Variants in RIPOR2 observed in about 807,000 individuals in gnomAD.
The protein encoded by RIPOR2 is RHO family interacting cell polarization regulator 2.
In RIPOR2, 39 loss-of-function variants were observed where a neutral mutation model predicts 114.5. The ratio of observed to expected loss-of-function variants is 0.34; its 90% CI spans 0.26 to 0.44. RIPOR2 has a LOEUF of 0.44. Among genes scored for constraint, RIPOR2 ranks in the 20% least tolerant of loss-of-function variants. The pLI, the probability that RIPOR2 is intolerant of heterozygous loss-of-function variation, is 1.00. For synonymous variants in RIPOR2, 445 were observed against 484.4 expected (o/e 0.92, Z 1.07); for missense variants, 1,007 against 1,255.1 (o/e 0.80, Z 2.99).
intron 1 of RIPOR2, among the ~76,000 whole-genome samples, chr6:24,889,541 G>A (rs2113962717): frequency 6.6e-6 from 1 of 152,270 alleles, no homozygotes; most frequent in African/African-American, 2.4e-5. Flanking sequence ...TTGATAAAGA[G>A]ATAATGTGTT....
Position 24,883,833 on chromosome 6 carries a change from G to A in RIPOR2, c.62-8016C>T, listed in dbSNP as rs1351989387. 1.3e-5 allele frequency among the ~76,000 whole-genome samples: 2 copies of A among 152,132 alleles called. No individual in the cohort carries two copies. Among genetic ancestry groups the A allele is most frequent in the East Asian group, 1.9e-4 (1 of 5,200 alleles). ...CTTTCTGAGTCATTTCTTCATGCCCGATTTGGGTTCTTCCTTTCTTTTTCC... is the reference window on the plus strand; with the variant it reads ...CTTTCTGAGTCATTTCTTCATGCCCAATTTGGGTTCTTCCTTTCTTTTTCC... On this transcript the variant is annotated intron_variant, in intron 1 of 21. Coordinates refer to ENST00000643898, the MANE Select transcript of RIPOR2 (RefSeq NM_001286445.3). The surrounding 1 kb of genome is among the most constrained non-coding windows in gnomAD (Gnocchi z 4.1).
At chr6:24,981,578 G>A (rs902923623) in intron 1 of RIPOR2, among the ~76,000 whole-genome samples, 3 of 152,152 alleles carry the variant, frequency 2.0e-5, no homozygotes, top group Non-Finnish European at 2.9e-5. Context: ...TGTACTCAGT[G>A]GGCCCAGGGT....
chr6:25,006,156 G>A (rs140323412), intron 1 of RIPOR2, among the ~76,000 whole-genome samples: 2 of 152,084 alleles, frequency 1.3e-5, no homozygotes, highest in Non-Finnish European at 2.9e-5. Flanking sequence ...CTGTTAACAT[G>A]TATACAGTTT....
chr6:24,864,998 A>C (rs988300903), intron 7 of RIPOR2, among the ~76,000 whole-genome samples: 1 of 152,130 alleles, frequency 6.6e-6, no homozygotes, highest in African/African-American at 2.4e-5. Flanking sequence ...CCCAGGCTGG[A>C]GTGCAGTGGC....
intron 1 of RIPOR2, chr6:24,910,865 C>G (rs773811279): frequency 1.1e-4 from 104 of 985,332 alleles, no homozygotes; most frequent in Non-Finnish European, 1.2e-4. Context: ...TCAGGGTTCT[C>G]TGGCATATAA....
intron 1 of RIPOR2, among the ~76,000 whole-genome samples, chr6:24,930,514 G>A (rs1771304427): frequency 6.6e-6 from 1 of 152,208 alleles, no homozygotes; most frequent in Non-Finnish European, 1.5e-5. Context: ...AGCCTGCATA[G>A]CTTTAGTGCA....
chr6:24,911,076 G>T, intron 1 of RIPOR2: 2 of 707,880 alleles, frequency 2.8e-6, no homozygotes, highest in Non-Finnish European at 3.5e-6. Flanking sequence ...GGGCGCGAGG[G>T]TGGCGGAGCG....
chr6:24,919,804 C>T (rs1770341682), intron 1 of RIPOR2, among the ~76,000 whole-genome samples: 1 of 152,158 alleles, frequency 6.6e-6, no homozygotes, highest in Non-Finnish European at 1.5e-5. Context: ...AGGCCGTGTG[C>T]CCCTGCATTT....
chr6:24,850,218 T>C (rs774296384), intron 10 of RIPOR2, among the ~76,000 whole-genome samples: 4 of 150,650 alleles, frequency 2.7e-5, no homozygotes, highest in Non-Finnish European at 5.9e-5. Flanking sequence ...CACCTCAGAC[T>C]CCCAAGTAGC....
intron 1 of RIPOR2, among the ~76,000 whole-genome samples, chr6:24,985,753 G>A (rs539521251): frequency 1.3e-5 from 2 of 152,276 alleles, no homozygotes; most frequent in South Asian, 2.1e-4. Context: ...TTGGGCTGAT[G>A]TACAGGGTAC....
intron 19 of RIPOR2, among the ~76,000 whole-genome samples, chr6:24,819,796 C>CGGCCA (rs1759518307): frequency 6.6e-6 from 1 of 150,706 alleles, no homozygotes; most frequent in African/African-American, 2.4e-5. Flanking sequence ...CTACTGCACC[C>CGGCCA]GGCCAATTGT....
chr6:24,806,126 T>A lies in RIPOR2; in HGVS notation c.*247A>T. 1 of 473,210 alleles carries A rather than the reference T, an allele frequency of 2.1e-6. No individual in the cohort carries two copies. The highest frequency in any genetic ancestry group is 3.7e-6 in the Non-Finnish European group (1 of 270,214). The allele number at this position is 473,210 out of a possible 1,614,324, so 29.3% of individuals were successfully genotyped here. A position where few individuals can be genotyped will look rare whatever the true frequency, so the allele number is the denominator to read the frequency against. On this transcript the variant is annotated 3_prime_UTR_variant, in exon 22 of 22. Coordinates refer to ENST00000643898, the MANE Select transcript of RIPOR2 (RefSeq NM_001286445.3). ...CACCACGCCTGACTAATTAAACTAT[T>A]TTTTTTGTAGAGACAGGGCCTTGCT... is the stretch of plus-strand genomic sequence containing the variant.
At chr6:25,003,947 T>A (rs749617987) in intron 1 of RIPOR2, among the ~76,000 whole-genome samples, 1 of 152,234 alleles carries the variant, frequency 6.6e-6, no homozygotes, top group Non-Finnish European at 1.5e-5. Flanking sequence ...CTTTCATTTG[T>A]CATGTCACTG....
intron 1 of RIPOR2, chr6:25,023,461 T>G: frequency 1.3e-6 from 1 of 767,726 alleles, no homozygotes; most frequent in Non-Finnish European, 2.4e-6. Flanking sequence ...TCCCTCCCAC[T>G]TGCCCCTAGG....
chr6:24,901,725 A>T (rs1237056312), intron 1 of RIPOR2, among the ~76,000 whole-genome samples: 1 of 151,858 alleles, frequency 6.6e-6, no homozygotes, highest in Non-Finnish European at 1.5e-5. Context: ...AGAACAAATC[A>T]CCTCTCCTCC....
At chr6:25,034,832 C>T (rs370575644) in intron 1 of RIPOR2, among the ~76,000 whole-genome samples, 1 of 152,204 alleles carries the variant, frequency 6.6e-6, no homozygotes, top group Non-Finnish European at 1.5e-5. Context: ...AAAGAGAGCA[C>T]TTTCTCAACC....
chr6:24,846,182 T>C (rs1373290053), intron 12 of RIPOR2, among the ~76,000 whole-genome samples: 1 of 152,126 alleles, frequency 6.6e-6, no homozygotes, highest in Non-Finnish European at 1.5e-5. Flanking sequence ...AACGGTTGCG[T>C]GTATAGCTGT....
chr6:24,822,352 A>G (rs1176341549), intron 19 of RIPOR2, among the ~76,000 whole-genome samples: 4 of 152,166 alleles, frequency 2.6e-5, no homozygotes, highest in African/African-American at 9.7e-5. Context: ...GAAAATATCA[A>G]TTCACTTGTC....
At chr6:25,040,980 A>G (rs1468758179) in intron 1 of RIPOR2, among the ~76,000 whole-genome samples, 4 of 152,196 alleles carry the variant, frequency 2.6e-5, no homozygotes, top group Admixed American at 6.5e-5. Flanking sequence ...GTGCCCCACT[A>G]TGATGGGACA....
Sources: allele counts gnomAD v4.1 joint callset (sites outside exome capture counted in the v4.1 genomes callset), GRCh38; gene constraint gnomAD v4.1.1; non-coding constraint Gnocchi (gnomAD v3.1); transcripts MANE v1.5; gene names NCBI Gene and HGNC (gene_info 2026-07-23, HGNC 2026-07-21).